The following C1QBP variants were observed in gnomAD, a reference collection of about 807,000 sequenced individuals.
C1QBP encodes the protein complement component 1 Q subcomponent-binding protein, mitochondrial.
C1QBP carries 24 observed loss-of-function variants against 29.4 expected under a neutral mutation model. That is an observed-to-expected ratio of 0.82 (90% confidence interval 0.59 to 1.15). The LOEUF (loss-of-function observed/expected upper bound fraction) is 1.15, where lower values mean the gene tolerates loss of function less well. Ranked by LOEUF, C1QBP falls within the 50% of genes most tolerant of loss-of-function variation. The pLI is 0.00. For synonymous variants in C1QBP, 182 were observed against 149.2 expected (o/e 1.22, Z -1.60); for missense variants, 337 against 355.8 (o/e 0.95, Z 0.43).
chr17:5,437,551 C>CCT (rs772441758), intron 2 of C1QBP, among the ~76,000 whole-genome samples: 6 of 152,190 alleles, frequency 3.9e-5, no homozygotes, highest in Non-Finnish European at 8.8e-5. Context: ...TTTCTCCTGA[C>CCT]CTCATGATCT....
chr17:5,438,084 A>C (rs1369783428), intron 2 of C1QBP, 39 bp downstream of exon 2: 1 of 1,603,822 alleles, frequency 6.2e-7, no homozygotes. Context: ...TGCAAGGTTA[A>C]GGGAGTTGCT....
intron 1 of C1QBP, chr17:5,438,617 GA>G: frequency 1.5e-5 from 14 of 961,272 alleles, no homozygotes; most frequent in East Asian, 2.8e-5. Flanking sequence ...TAAGACTAAG[GA>G]AAAAGGTACC....
At position 5,436,177 on chromosome 17, in the gene C1QBP, T is replaced by C. The variant is rs138055496; in HGVS notation, c.384-1211A>G. 7.1e-4 allele frequency among the ~76,000 whole-genome samples: 108 copies of C among 151,344 alleles called. 1 individual carries two copies. Among genetic ancestry groups the C allele is most frequent in the Middle Eastern group, 3.4e-3 (1 of 292 alleles). On this transcript the variant is annotated intron_variant, in intron 2 of 5. Transcript: ENST00000225698. The stretch of plus-strand genomic sequence containing the variant: ...TTGACAAAATCTGTCTAATTCCAAC[T>C]GTGCTGACTAAGCTGAGCTCCTGGG...
intron 2 of C1QBP, among the ~76,000 whole-genome samples, chr17:5,436,062 A>G (rs1916264970): frequency 6.7e-6 from 1 of 148,702 alleles, no homozygotes; most frequent in East Asian, 2.0e-4. Context: ...AAAAAAAAAA[A>G]AAGAGTACAT....
At position 5,439,026 on chromosome 17, in the gene C1QBP, G is replaced by A; in HGVS notation, c.48C>T (p.Val16=). The part of the protein sequence containing the change: ...RCVPRVLGSS[V]AGLRAAAPAS... ...CGGGCGCGGCAGCGCGGAGGCCGGC[G>A]ACGGAGGAGCCCAGCACACGGGGCA... The change falls in exon 1 of 6, where the codon GTC becomes GTT. Residue 16 remains valine, a synonymous_variant. Transcript: ENST00000225698. 1 of 1,509,088 alleles carries A rather than the reference G, an allele frequency of 6.6e-7. No homozygotes were observed. Among genetic ancestry groups the A allele is most frequent in the Non-Finnish European group, 8.8e-7 (1 of 1,130,778 alleles). 93.5% of individuals were successfully genotyped at this position (1,509,088 alleles called of 1,614,324 possible).
Position 5,433,711 on chromosome 17 carries a change from G to T in C1QBP, c.534C>A (p.Gly178=). The part of the protein sequence containing the change: ...FVVEVIKNDD[G]KKALVLDCHY... Reference sequence around the variant, plus strand: ...GACAGTCCAACACAAGGGCCTTCTTGCCATCATCATTCTTTATAACTTCAA... The same window carrying T: ...GACAGTCCAACACAAGGGCCTTCTTTCCATCATCATTCTTTATAACTTCAA... Residue 178 remains glycine, a synonymous_variant, in exon 4 of 6, where the codon GGC becomes GGA. Transcript: ENST00000225698. 6.2e-7 allele frequency: 1 copy of T among 1,614,186 alleles called. No homozygotes were observed. The highest frequency in any genetic ancestry group is 1.1e-5 in the South Asian group (1 of 91,084).
intron 2 of C1QBP, 38 bp downstream of exon 2, chr17:5,438,085 G>A (rs1231700399): frequency 6.2e-7 from 1 of 1,604,122 alleles, no homozygotes; most frequent in South Asian, 1.1e-5. Flanking sequence ...GCAAGGTTAA[G>A]GGAGTTGCTG....
At chr17:5,435,874 CA>C (rs200057698) in intron 2 of C1QBP, among the ~76,000 whole-genome samples, 27,564 of 105,166 alleles carry the variant, frequency 0.26, 3,263 homozygotes, top group African/African-American at 0.32. Context: ...CTAAAAAATA[CA>C]AAAAAAAAAA....
chr17:5,433,452 C>T, intron 4 of C1QBP, 37 bp from the exon 5 acceptor site: 1 of 1,613,620 alleles, frequency 6.2e-7, no homozygotes. Context: ...GAAGGGTTCT[C>T]CAGGACAAGC....
intron 3 of C1QBP, among the ~76,000 whole-genome samples, chr17:5,434,466 T>TC (rs1916205779): frequency 1.2e-5 from 1 of 86,822 alleles, no homozygotes; most frequent in African/African-American, 9.6e-5. Context: ...CTCTCTCTCT[T>TC]TTTTTTTTTT....
intron 3 of C1QBP, 21 bp from the exon 4 acceptor site, chr17:5,433,788 T>A: frequency 6.3e-7 from 1 of 1,597,178 alleles, no homozygotes; most frequent in Non-Finnish European, 8.6e-7. Context: ...AAGAAGTCAA[T>A]ACATGCTGCT....
At chr17:5,434,462 C>CTTTTT (rs1294859290) in intron 3 of C1QBP, among the ~76,000 whole-genome samples, 1 of 108,114 alleles carries the variant, frequency 9.2e-6, no homozygotes. Flanking sequence ...CATTCTCTCT[C>CTTTTT]TCTTTTTTTT....
At chr17:5,438,436 T>C (rs1248070766) in intron 1 of C1QBP, 163 bp from the exon 2 acceptor site, 4 of 901,478 alleles carry the variant, frequency 4.4e-6, no homozygotes, top group African/African-American at 3.4e-5. Flanking sequence ...ACCATAATAG[T>C]AGTAGGAAGC....
rs770579184 is a variant in C1QBP at position 5,434,937 on chromosome 17, CTGT to C, written c.410_412del (p.Asn137del). ...CTCACCATCAAATGTTGGTGGGATG[CTGT>C]TGTTAATGTTGAAAGTGACCGTGAT... On this transcript the variant is annotated inframe_deletion, in exon 3 of 6. Transcript: ENST00000225698. The C allele has an allele frequency of 1.9e-6, 3 of 1,614,108 alleles. No homozygotes were observed. The highest frequency in any genetic ancestry group is 2.7e-5 in the African/African-American group (2 of 75,032).
chr17:5,433,452 C>A lies in C1QBP; in HGVS notation c.577-37G>T, dbSNP rs776820517. ...CAATATTGGGAAACTGAAGGGTTCT[C>A]CAGGACAAGCTAGACTCAGGGGAAG... On this transcript the variant is annotated intron_variant, in intron 4 of 5. Transcript: ENST00000225698. 4 of 1,613,620 alleles carry A rather than the reference C, an allele frequency of 2.5e-6. No homozygotes were observed. In the East Asian group the frequency reaches 6.7e-5, roughly 27 times the overall value.
intron 2 of C1QBP, among the ~76,000 whole-genome samples, chr17:5,436,828 G>A (rs745675487): frequency 4.2e-4 from 64 of 152,164 alleles, no homozygotes; most frequent in Non-Finnish European, 7.1e-4. Flanking sequence ...GACCAGCCTG[G>A]CCAACACGGT....
At chr17:5,436,399 ACTAAG>A (rs777215546) in intron 2 of C1QBP, among the ~76,000 whole-genome samples, 6 of 151,506 alleles carry the variant, frequency 4.0e-5, no homozygotes, top group Non-Finnish European at 7.4e-5. Flanking sequence ...ACAGACCTAA[ACTAAG>A]AGCTAAAACT....
At chr17:5,434,228 G>A (rs1597349477) in intron 3 of C1QBP, 1 of 203,554 alleles carries the variant, frequency 4.9e-6, no homozygotes, top group East Asian at 1.3e-4. Flanking sequence ...AGCAGACTGG[G>A]TCCAACGTCA....
At chr17:5,433,871 T>A in intron 3 of C1QBP, 104 bp from the exon 4 acceptor site, 1 of 984,238 alleles carries the variant, frequency 1.0e-6, no homozygotes, top group Non-Finnish European at 1.6e-6. Flanking sequence ...ATTAGGATAT[T>A]ATGTAGCCAT....
Sources: allele counts gnomAD v4.1 joint callset (sites outside exome capture counted in the v4.1 genomes callset), GRCh38; gene constraint gnomAD v4.1.1; transcripts MANE v1.5; gene names NCBI Gene and HGNC (gene_info 2026-07-23, HGNC 2026-07-21).